HECW2: variants seen among roughly 807,000 people sequenced by gnomAD.
HECW2 encodes HECT, C2 and WW domain containing E3 ubiquitin protein ligase 2.
HECW2 carries 61 observed loss-of-function variants against 175.2 expected under a neutral mutation model. That is an observed-to-expected ratio of 0.35 (90% confidence interval 0.28 to 0.43). The LOEUF (loss-of-function observed/expected upper bound fraction) is 0.43. HECW2 is among the 20% of genes least tolerant of loss of function. HECW2 has a pLI of 1.00. For missense variants in HECW2, 1,524 were observed against 2,000.5 expected (o/e 0.76, Z 4.54); for synonymous variants, 671 against 731.0 (o/e 0.92, Z 1.32).
chr2:196,405,402 CAT>C lies in HECW2; in HGVS notation c.292+27728_292+27729del, dbSNP rs908747981. On this transcript the variant is annotated intron_variant, in intron 2 of 28. Coordinates refer to ENST00000644978, the MANE Select transcript of HECW2 (RefSeq NM_001348768.2). ...CTCACTTCTCCAGGTGACGATATCA[CAT>C]GTCTACCTCTCTCCTCTAGCTCCCC... Among the ~76,000 whole-genome samples the C allele has an allele frequency of 4.6e-5, 7 of 152,288 alleles. No homozygotes were observed. In the South Asian group the frequency reaches 6.2e-4, roughly 14 times the overall value.
intron 1 of HECW2, among the ~76,000 whole-genome samples, chr2:196,546,820 CA>C (rs35116760): frequency 0.2 from 21,138 of 106,192 alleles, 1,444 homozygotes; most frequent in Middle Eastern, 0.34. Context: ...AGAAGGACAG[CA>C]AAAAAAAAAA....
intron 1 of HECW2, among the ~76,000 whole-genome samples, chr2:196,468,147 A>G (rs1697038652): frequency 6.6e-6 from 1 of 152,156 alleles, no homozygotes; most frequent in South Asian, 2.1e-4. Flanking sequence ...GGCACATGCC[A>G]CCAAGCCCAG....
At position 196,374,031 on chromosome 2, in the gene HECW2, C is replaced by CA. The variant is rs1257396628; in HGVS notation, c.293-30268dup. Among the ~76,000 whole-genome samples, 337 of 127,438 alleles carry CA rather than the reference C, an allele frequency of 2.6e-3. 1 individual carries two copies. Among genetic ancestry groups the CA allele is most frequent in the African/African-American group, 9.2e-3 (258 of 27,928 alleles). 83.6% of individuals were successfully genotyped at this position (127,438 alleles called of 152,430 possible). A position where few individuals can be genotyped will look rare whatever the true frequency, so the allele number is the denominator to read the frequency against. On this transcript the variant is annotated intron_variant, in intron 2 of 28. Coordinates refer to ENST00000644978, the MANE Select transcript of HECW2 (RefSeq NM_001348768.2). ...TGGGCGACAGAGAGAGACTCCGTCTCAAAAAAAATAAAATAAAATAAATAA... is the reference window on the plus strand; with the variant it reads ...TGGGCGACAGAGAGAGACTCCGTCTCAAAAAAAAATAAAATAAAATAAATAA...
intron 1 of HECW2, among the ~76,000 whole-genome samples, chr2:196,564,954 A>ATTTT (rs11441092): frequency 1.4e-5 from 2 of 145,206 alleles, no homozygotes; most frequent in Non-Finnish European, 3.0e-5. Flanking sequence ...CTATGCTTTG[A>ATTTT]TTTTTTTTTT....
rs968339822 is a variant in HECW2 at position 196,201,057 on chromosome 2, G to C, written c.*220C>G. On this transcript the variant is annotated 3_prime_UTR_variant, in exon 29 of 29. Transcript: ENST00000644978. ...GGCAGTCAAGAACTGTTGATTGAAAGACGGTTGGGTTGTTCCCTGGGCATC... is the reference window on the plus strand; with the variant it reads ...GGCAGTCAAGAACTGTTGATTGAAACACGGTTGGGTTGTTCCCTGGGCATC... The C allele has an allele frequency of 1.0e-5, 5 of 477,274 alleles. No individual in the cohort carries two copies. The highest frequency in any genetic ancestry group is 1.9e-5 in the African/African-American group (1 of 51,404). The allele number at this position is 477,274 out of a possible 1,614,324, so 29.6% of individuals were successfully genotyped here. A position where few individuals can be genotyped will look rare whatever the true frequency, so the allele number is the denominator to read the frequency against.
chr2:196,292,414 C>T, intron 14 of HECW2, 151 bp downstream of exon 14: 3 of 649,660 alleles, frequency 4.6e-6, no homozygotes, highest in East Asian at 2.7e-5. Flanking sequence ...TGGTCACAAA[C>T]AACCTGCTGT....
At chr2:196,236,094 T>A (rs999258628) in intron 21 of HECW2, among the ~76,000 whole-genome samples, 1 of 152,198 alleles carries the variant, frequency 6.6e-6, no homozygotes, top group Admixed American at 6.5e-5. Context: ...TAGTCCCTCA[T>A]AGACAACACA....
chr2:196,422,073 C>A (rs1695421185), intron 2 of HECW2, among the ~76,000 whole-genome samples: 1 of 152,108 alleles, frequency 6.6e-6, no homozygotes, highest in African/African-American at 2.4e-5. Context: ...CATGCACTGT[C>A]CTTGGTACTG....
At chr2:196,575,080 CAAAAAAAAAAAA>C (rs1164886570) in intron 1 of HECW2, among the ~76,000 whole-genome samples, 1 of 29,844 alleles carries the variant, frequency 3.4e-5, no homozygotes, top group East Asian at 1.2e-3. Context: ...GGCCTTGTCT[CAAAAAAAAAAAA>C]AAAAAAAAAA....
chr2:196,411,986 G>A (rs1695125477), intron 2 of HECW2, among the ~76,000 whole-genome samples: 1 of 151,896 alleles, frequency 6.6e-6, no homozygotes, highest in Non-Finnish European at 1.5e-5. Context: ...CTGCAGCCTG[G>A]GTGACAGAGC....
At chr2:196,339,048 G>A (rs1692651659) in intron 3 of HECW2, among the ~76,000 whole-genome samples, 1 of 152,202 alleles carries the variant, frequency 6.6e-6, no homozygotes, top group African/African-American at 2.4e-5. Context: ...CAATATCCAT[G>A]CAGATGTGGC....
intron 1 of HECW2, among the ~76,000 whole-genome samples, chr2:196,551,643 T>C (rs1414940489): frequency 6.6e-6 from 1 of 152,222 alleles, no homozygotes; most frequent in Non-Finnish European, 1.5e-5. Context: ...AGATTTAACA[T>C]CTCTGCAGTT....
At chr2:196,332,007 A>G (rs1380788220) in intron 4 of HECW2, among the ~76,000 whole-genome samples, 1 of 152,230 alleles carries the variant, frequency 6.6e-6, no homozygotes, top group Non-Finnish European at 1.5e-5. Context: ...TGAAGCCGAA[A>G]GATTTCCTGT....
At chr2:196,576,412 G>T (rs1690563502) in intron 1 of HECW2, among the ~76,000 whole-genome samples, 1 of 152,132 alleles carries the variant, frequency 6.6e-6, no homozygotes, top group South Asian at 2.1e-4. Context: ...TGCCATTTGT[G>T]ACAACATGAA....
intron 28 of HECW2, among the ~76,000 whole-genome samples, chr2:196,210,779 A>C (rs914880244): frequency 2.5e-5 from 3 of 121,066 alleles, no homozygotes; most frequent in Non-Finnish European, 3.3e-5. Flanking sequence ...ATGCCTGGCT[A>C]ATTTTTGTAT....
chr2:196,357,856 G>A (rs571830531), intron 2 of HECW2, among the ~76,000 whole-genome samples: 10 of 152,134 alleles, frequency 6.6e-5, no homozygotes, highest in Non-Finnish European at 1.2e-4. Context: ...TGCCATGATC[G>A]TAAGTTTCCT....
chr2:196,254,971 CCT>C (rs1491156316), intron 18 of HECW2, among the ~76,000 whole-genome samples: 2 of 82,908 alleles, frequency 2.4e-5, no homozygotes, highest in Non-Finnish European at 4.6e-5. Flanking sequence ...AATCTGGTTT[CCT>C]TTTTTTTTTT....
chr2:196,487,769 G>C (rs1475438677), intron 1 of HECW2, among the ~76,000 whole-genome samples: 1 of 152,200 alleles, frequency 6.6e-6, no homozygotes, highest in Non-Finnish European at 1.5e-5. Context: ...TAGTTGTTAA[G>C]ATGAAATTTC....
At chr2:196,265,839 T>C (rs1238824000) in intron 17 of HECW2, among the ~76,000 whole-genome samples, 7 of 152,202 alleles carry the variant, frequency 4.6e-5, no homozygotes, top group Non-Finnish European at 8.8e-5. Context: ...GGTTGTTTAA[T>C]GTCTCATTCG....
Sources: gnomAD v4.1 joint callset for allele counts (sites outside exome capture counted in the v4.1 genomes callset) on GRCh38, gnomAD v4.1.1 for gene constraint, MANE v1.5 for transcripts, NCBI Gene and HGNC (gene_info 2026-07-23, HGNC 2026-07-21) for gene names.